Variants in RYR2 observed in about 807,000 individuals in gnomAD.
The protein encoded by RYR2 is cardiac muscle ryanodine receptor-calcium release channel.
In RYR2, 227 loss-of-function variants were observed where a neutral mutation model predicts 601.1. The observed-to-expected ratio is 0.38, with a 90% CI of 0.34 to 0.42. The LOEUF (loss-of-function observed/expected upper bound fraction) is 0.42, where lower values mean the gene tolerates loss of function less well. RYR2 is among the 10% of genes least tolerant of loss of function. The pLI is 1.00. For synonymous variants in RYR2, 2,223 were observed against 2,175.1 expected (o/e 1.02, Z -0.61); for missense variants, 4,646 against 6,156.5 (o/e 0.75, Z 8.21).
At chr1:237,572,356 T>C (rs1672789303) in intron 29 of RYR2, among the ~76,000 whole-genome samples, 1 of 152,220 alleles carries the variant, frequency 6.6e-6, no homozygotes, top group African/African-American at 2.4e-5. Flanking sequence ...GTTCTGTTTG[T>C]ATGGTACGTG....
At chr1:237,601,433 G>A (rs1676489985) in intron 34 of RYR2, among the ~76,000 whole-genome samples, 1 of 152,254 alleles carries the variant, frequency 6.6e-6, no homozygotes, top group Non-Finnish European at 1.5e-5. Context: ...ACTGGGAAGG[G>A]TAGGTGAAAG....
chr1:237,632,389 C>CTTTTTTTTTTTTTT (rs11448751), intron 42 of RYR2, among the ~76,000 whole-genome samples: 2 of 127,368 alleles, frequency 1.6e-5, no homozygotes, highest in Non-Finnish European at 3.4e-5. Context: ...AAAGTGAATT[C>CTTTTTTTTTTTTTT]TTTTTTTTTT....
intron 1 of RYR2, among the ~76,000 whole-genome samples, chr1:237,191,603 C>T (rs967531278): frequency 2.6e-5 from 4 of 152,058 alleles, no homozygotes; most frequent in African/African-American, 9.7e-5. Context: ...GTGCGTGTTC[C>T]GATTGAGGCT....
chr1:237,365,883 A>G (rs1018236318), intron 5 of RYR2, among the ~76,000 whole-genome samples: 15 of 152,228 alleles, frequency 9.9e-5, no homozygotes, highest in Non-Finnish European at 2.2e-4. Flanking sequence ...GAATTAGTTA[A>G]AAGCAGGTGG....
chr1:237,591,830 G>T lies in RYR2; in HGVS notation c.4252G>T (p.Asp1418Tyr). 3.7e-6 allele frequency: 6 copies of T among 1,613,062 alleles called. No individual in the cohort carries two copies. Among genetic ancestry groups the T allele is most frequent in the Non-Finnish European group, 5.1e-6 (6 of 1,179,512 alleles). Residue 1418 changes from aspartate (D) to tyrosine (Y), a missense_variant, in exon 32 of 105, where the codon GAT (aspartate) becomes TAT (tyrosine). Physicochemically the swap from Asp to Tyr is radical, Grantham distance 160. Around this residue, in one of 17 missense-constraint regions of RYR2, gnomAD observed 1,807 missense variants for 2,088.1 expected, o/e 0.87. Transcript: ENST00000366574. ...DVLADDRDDY[D>Y]FLMQTSTYYY... Reference sequence around the variant, plus strand: ...CCTTGCTGATGATCGGGATGACTATGATTTCTTGATGCAAACGTCCACGGT... The same window carrying T: ...CCTTGCTGATGATCGGGATGACTATTATTTCTTGATGCAAACGTCCACGGT...
chr1:237,252,763 C>T (rs138590037), intron 1 of RYR2, among the ~76,000 whole-genome samples: 3 of 152,144 alleles, frequency 2.0e-5, no homozygotes, highest in Non-Finnish European at 4.4e-5. Context: ...ATTGCAATCC[C>T]AGTGACTAGT....
chr1:237,490,953 T>G (rs1663259875), intron 17 of RYR2, among the ~76,000 whole-genome samples: 1 of 152,178 alleles, frequency 6.6e-6, no homozygotes. Context: ...AGGTGATGTT[T>G]TCTGTATGTT....
chr1:237,734,957 A>G (rs1355741438), intron 79 of RYR2, among the ~76,000 whole-genome samples: 2 of 152,136 alleles, frequency 1.3e-5, no homozygotes, highest in Non-Finnish European at 2.9e-5. Context: ...GCATGAGGAG[A>G]GGAGGAGGCC....
At chr1:237,593,860 T>TG (rs1675511298) in intron 33 of RYR2, among the ~76,000 whole-genome samples, 1 of 152,232 alleles carries the variant, frequency 6.6e-6, no homozygotes, top group Non-Finnish European at 1.5e-5. Context: ...TGCAGCCTTT[T>TG]GGGGTAATGA....
At chr1:237,613,293 C>T (rs1678090840) in intron 36 of RYR2, among the ~76,000 whole-genome samples, 2 of 152,046 alleles carry the variant, frequency 1.3e-5, no homozygotes, top group African/African-American at 2.4e-5. Flanking sequence ...TGGTTTACTC[C>T]CTCAATTGAA....
chr1:237,474,714 C>T (rs928348873), intron 17 of RYR2, among the ~76,000 whole-genome samples: 1 of 151,910 alleles, frequency 6.6e-6, no homozygotes, highest in East Asian at 1.9e-4. Flanking sequence ...GAGAAAGACT[C>T]AGGCCCTACC....
At chr1:237,348,308 C>T (rs181163199) in intron 3 of RYR2, among the ~76,000 whole-genome samples, 20 of 152,240 alleles carry the variant, frequency 1.3e-4, no homozygotes, top group African/African-American at 4.8e-4. Flanking sequence ...GAAACAAGCT[C>T]AGAAGCTTAG....
At chr1:237,282,234 T>G (rs1690972675) in intron 2 of RYR2, among the ~76,000 whole-genome samples, 1 of 152,018 alleles carries the variant, frequency 6.6e-6, no homozygotes, top group African/African-American at 2.4e-5. Context: ...TATTTTAGTT[T>G]TGTGGGTCAG....
Position 237,625,795 on chromosome 1 carries a change from A to G in RYR2, c.6157A>G (p.Lys2053Glu). The G allele has an allele frequency of 3.7e-6, 6 of 1,613,538 alleles. No homozygotes were observed. The South Asian group carries it at 4.4e-5, about 12-fold the overall frequency. ...AGAAAAACCAGTTGAGAGTGACTCC[A>G]AAAAGTCCTGTAAGCAGTATGAGAG... ...QAEKPVESDS[K>E]KSSTLQQLIS... is the part of the protein sequence containing the mutation. Residue 2053 changes from lysine to glutamate, a missense_variant, in exon 40 of 105, where the codon AAA becomes GAA. Around this residue, in one of 17 missense-constraint regions of RYR2, gnomAD observed 170 missense variants for 184.5 expected, o/e 0.92. Coordinates refer to ENST00000366574, the MANE Select transcript of RYR2 (RefSeq NM_001035.3).
intron 23 of RYR2, among the ~76,000 whole-genome samples, chr1:237,509,329 T>C (rs1665645353): frequency 6.6e-6 from 1 of 152,250 alleles, no homozygotes; most frequent in African/African-American, 2.4e-5. Context: ...GACCTTGTGA[T>C]GTCAATTATT....
At chr1:237,680,363 T>C in intron 61 of RYR2, 93 bp from the exon 62 acceptor site, 1 of 1,019,888 alleles carries the variant, frequency 9.8e-7, no homozygotes, top group Non-Finnish European at 1.5e-6. Flanking sequence ...CTGTTGCATG[T>C]GAACAGAACT....
rs1204025764 is a variant in RYR2, at chr1:237,775,602, G to T, written c.11775+1954G>T. ...ACTATAGAAAGTTATATAAGGGGGA[G>T]ATCCAACACCATTGAAATAAATGGA... On this transcript the variant is annotated intron_variant, in intron 87 of 104. Coordinates refer to ENST00000366574, the MANE Select transcript of RYR2 (RefSeq NM_001035.3). 2.0e-5 allele frequency among the ~76,000 whole-genome samples: 3 copies of T among 152,228 alleles called. No homozygotes were observed. The East Asian group carries it at 5.8e-4, about 29-fold the overall frequency.
chr1:237,609,651 C>T (rs953555001), intron 35 of RYR2, among the ~76,000 whole-genome samples: 2 of 152,064 alleles, frequency 1.3e-5, no homozygotes, highest in African/African-American at 4.8e-5. Context: ...AGGCGTGAGC[C>T]ATGGTGCCTA....
intron 34 of RYR2, among the ~76,000 whole-genome samples, chr1:237,601,482 A>T (rs1021134728): frequency 6.6e-6 from 1 of 152,150 alleles, no homozygotes; most frequent in African/African-American, 2.4e-5. Flanking sequence ...GTATAGAGTT[A>T]ACATTAGAAA....
Sources: allele counts gnomAD v4.1 joint callset (sites outside exome capture counted in the v4.1 genomes callset), GRCh38; gene constraint gnomAD v4.1.1; regional missense constraint gnomAD v4.1.1; transcripts MANE v1.5; gene names NCBI Gene and HGNC (gene_info 2026-07-23, HGNC 2026-07-21).